The following SULT1C3 variants were observed in gnomAD, a reference collection of about 807,000 sequenced individuals.
The protein encoded by SULT1C3 is sulfotransferase 1C3.
Under a neutral mutation model 28.4 loss-of-function variants are expected in SULT1C3, and 31 were observed. The observed-to-expected ratio is 1.09, with a 90% CI of 0.82 to 1.47. The LOEUF (loss-of-function observed/expected upper bound fraction) is 1.47, where lower values mean the gene tolerates loss of function less well. Among genes scored for constraint, SULT1C3 ranks in the 40% most tolerant of loss-of-function variants. The probability of loss-of-function intolerance (pLI) is 0.00; values close to 1 mark genes in which losing one functional copy is unlikely to be tolerated. For synonymous variants in SULT1C3, 106 were observed against 92.2 expected, an observed-to-expected ratio of 1.15 and a Z score of -0.86; for missense variants, 307 against 272.5, an observed-to-expected ratio of 1.13 and a Z score of -0.89.
downstream of SULT1C3, among the ~76,000 whole-genome samples, chr2:108,262,538 C>A (rs1676046895): frequency 6.6e-6 from 1 of 152,080 alleles, no homozygotes; most frequent in Non-Finnish European, 1.5e-5. Context: ...AAGATGGGAT[C>A]ACGGGTTTTG....
chr2:108,263,935 T>C (rs1573229606), downstream of SULT1C3, among the ~76,000 whole-genome samples: 1 of 152,226 alleles, frequency 6.6e-6, no homozygotes, highest in African/African-American at 2.4e-5. Context: ...AAGCCAGATA[T>C]CTTTATCTGC....
At chr2:108,255,524 T>A in intron 4 of SULT1C3, 48 bp from the exon 5 acceptor site, 1 of 1,595,048 alleles carries the variant, frequency 6.3e-7, no homozygotes, top group Non-Finnish European at 8.5e-7. Flanking sequence ...GTATTTCATG[T>A]CAGTCTATTT....
At chr2:108,245,929 TCA>T (rs1240183445) in intron 1 of SULT1C3, among the ~76,000 whole-genome samples, 4 of 152,224 alleles carry the variant, frequency 2.6e-5, no homozygotes, top group Non-Finnish European at 5.9e-5. Context: ...AGCACCCAAG[TCA>T]CCTCTGGAAT....
chr2:108,258,839 C>A lies in SULT1C3; in HGVS notation c.621+11C>A. ...GAGGATATTAAAAAAGTAAGTGGCA[C>A]TGAGACTTATAGGTCAGACCCAGAA... On this transcript the variant is annotated intron_variant, in intron 6 of 7. Coordinates refer to ENST00000681802, the MANE Select transcript of SULT1C3 (RefSeq NM_001320878.2). 1 of 1,601,828 alleles carries A rather than the reference C, an allele frequency of 6.2e-7. No homozygotes were observed. The highest frequency in any genetic ancestry group is 8.5e-7 in the Non-Finnish European group (1 of 1,170,312).
intron 4 of SULT1C3, 75 bp from the exon 5 acceptor site, chr2:108,255,497 T>A: frequency 2.0e-6 from 3 of 1,505,358 alleles, no homozygotes; most frequent in Non-Finnish European, 2.7e-6. Flanking sequence ...TACCATTGTA[T>A]TGAAACACTC....
chr2:108,258,411 A>C (rs1217742765), intron 5 of SULT1C3, among the ~76,000 whole-genome samples: 1 of 152,070 alleles, frequency 6.6e-6, no homozygotes, highest in East Asian at 1.9e-4. Flanking sequence ...GGAGGACCCT[A>C]CCCATTTATA....
chr2:108,257,759 TATC>T (rs1446207896), intron 5 of SULT1C3, among the ~76,000 whole-genome samples: 1 of 152,062 alleles, frequency 6.6e-6, no homozygotes, highest in African/African-American at 2.4e-5. Flanking sequence ...TAAACACTAT[TATC>T]ATATAATTTG....
chr2:108,250,704 G>T (rs908500911), intron 2 of SULT1C3, among the ~76,000 whole-genome samples: 1 of 151,746 alleles, frequency 6.6e-6, no homozygotes, highest in African/African-American at 2.4e-5. Flanking sequence ...CCATACAATT[G>T]AACTGTTCTC....
downstream of SULT1C3, chr2:108,265,286 G>A (rs768657898): frequency 6.2e-6 from 10 of 1,613,880 alleles, no homozygotes; most frequent in South Asian, 1.1e-4. Context: ...CCAAAATGAA[G>A]AATTTGACAA....
intron 5 of SULT1C3, among the ~76,000 whole-genome samples, chr2:108,256,024 T>C (rs554229377): frequency 6.6e-6 from 1 of 152,110 alleles, no homozygotes; most frequent in African/African-American, 2.4e-5. Flanking sequence ...TGAGATGATA[T>C]CCTGCGGTTT....
chr2:108,264,157 A>G (rs553218100), downstream of SULT1C3, among the ~76,000 whole-genome samples: 134 of 152,298 alleles, frequency 8.8e-4, no homozygotes, highest in African/African-American at 3.1e-3. Context: ...ATTTCAAACC[A>G]TCGTGTCTGA....
At chr2:108,262,206 G>A (rs1421573138), downstream of SULT1C3, among the ~76,000 whole-genome samples, 4 of 152,144 alleles carry the variant, frequency 2.6e-5, no homozygotes, top group East Asian at 7.7e-4. Flanking sequence ...CTGGTTCACA[G>A]GGCTACTGTG....
intron 7 of SULT1C3, among the ~76,000 whole-genome samples, chr2:108,259,466 T>G (rs1425530741): frequency 6.6e-6 from 1 of 152,126 alleles, no homozygotes; most frequent in African/African-American, 2.4e-5. Flanking sequence ...CTGGTCACTT[T>G]GATTACAATA....
chr2:108,246,873 A>G (rs938300106), intron 1 of SULT1C3, among the ~76,000 whole-genome samples: 3 of 152,194 alleles, frequency 2.0e-5, no homozygotes, highest in Non-Finnish European at 4.4e-5. Flanking sequence ...TAGGTCATGC[A>G]GCAGGAAAAA....
chr2:108,260,455 A>AG (rs1675993031), intron 7 of SULT1C3, 113 bp from the exon 8 acceptor site: 1 of 350,676 alleles, frequency 2.9e-6, no homozygotes, highest in African/African-American at 2.1e-5. Context: ...AGTGGGACTG[A>AG]GGGACCCTCA....
intron 1 of SULT1C3, among the ~76,000 whole-genome samples, chr2:108,245,799 T>C (rs1250493583): frequency 6.6e-6 from 1 of 152,210 alleles, no homozygotes; most frequent in African/African-American, 2.4e-5. Flanking sequence ...TATGCAAATT[T>C]CTGCAGCTGG....
At chr2:108,245,497 A>G (rs1489578190) in intron 1 of SULT1C3, among the ~76,000 whole-genome samples, 3 of 152,184 alleles carry the variant, frequency 2.0e-5, no homozygotes, top group Non-Finnish European at 4.4e-5. Flanking sequence ...TCTGAATAGG[A>G]GACAGAATAG....
Position 108,258,729 on chromosome 2 carries a change from T to C in SULT1C3, c.527-5T>C, listed in dbSNP as rs1380171944. 1.9e-6 allele frequency: 3 copies of C among 1,611,038 alleles called. No individual in the cohort carries two copies. The highest frequency in any genetic ancestry group is 1.3e-5 in the African/African-American group (1 of 74,906). Reference sequence around the variant, plus strand: ...GGGAACTAACAGTGCTCTGACTTCTTCCAGTTGTTGGCGGGTCCTGGTTTG... The same window carrying C: ...GGGAACTAACAGTGCTCTGACTTCTCCCAGTTGTTGGCGGGTCCTGGTTTG... On this transcript the variant is annotated splice_polypyrimidine_tract_variant and splice_region_variant and intron_variant, in intron 5 of 7. Transcript: ENST00000681802.
chr2:108,260,973 C>T (rs1057110079), downstream of SULT1C3, among the ~76,000 whole-genome samples: 2 of 152,076 alleles, frequency 1.3e-5, no homozygotes, highest in African/African-American at 4.8e-5. Context: ...CAAAAACAAA[C>T]AATTGCATCA....
Sources: allele counts gnomAD v4.1 joint callset (sites outside exome capture counted in the v4.1 genomes callset), GRCh38; gene constraint gnomAD v4.1.1; transcripts MANE v1.5; gene names NCBI Gene and HGNC (gene_info 2026-07-23, HGNC 2026-07-21).